Variants in XKR9 observed in about 807,000 individuals in gnomAD.
The protein encoded by XKR9 is XK-related protein 9.
A neutral mutation model predicts 32.0 loss-of-function variants in XKR9; 32 were observed. That is an observed-to-expected ratio of 1.00 (90% CI 0.76 to 1.34). XKR9 has a LOEUF of 1.34. Among genes scored for constraint, XKR9 ranks in the 40% most tolerant of loss-of-function variants. The pLI is 0.00. For missense variants in XKR9, 546 were observed against 429.7 expected (o/e 1.27, Z -2.39); for synonymous variants, 168 against 143.4 (o/e 1.17, Z -1.22).
At chr8:70,672,854 T>C (rs567627689) in intron 1 of XKR9, among the ~76,000 whole-genome samples, 3 of 152,346 alleles carry the variant, frequency 2.0e-5, no homozygotes, top group African/African-American at 7.2e-5. Context: ...TGGCCATTTG[T>C]ATGTCTTCTT....
the XKR9 span, among the ~76,000 whole-genome samples, chr8:70,864,372 A>T: frequency 6.6e-6 from 1 of 152,146 alleles, no homozygotes; most frequent in Admixed American, 6.6e-5. Context: ...TGCCCAGAAT[A>T]ATTGATTATC....
the XKR9 span, among the ~76,000 whole-genome samples, chr8:70,949,715 A>G: frequency 6.6e-6 from 1 of 151,996 alleles, no homozygotes; most frequent in South Asian, 2.1e-4. Context: ...TCAGAGAGGG[A>G]GAGAGAGACA....
At chr8:70,839,449 TA>T in the XKR9 span, among the ~76,000 whole-genome samples, 1 of 152,260 alleles carries the variant, frequency 6.6e-6, no homozygotes, top group Middle Eastern at 3.4e-3. Flanking sequence ...CGTGCTCAGA[TA>T]AACCAATACA....
chr8:70,893,363 A>T, the XKR9 span, among the ~76,000 whole-genome samples: 1 of 151,852 alleles, frequency 6.6e-6, no homozygotes, highest in African/African-American at 2.4e-5. Flanking sequence ...GGGTTCTCTT[A>T]CTACACAGTT....
chr8:70,852,438 T>G, the XKR9 span, among the ~76,000 whole-genome samples: 1 of 152,026 alleles, frequency 6.6e-6, no homozygotes, highest in African/African-American at 2.4e-5. Context: ...CATTACGGGA[T>G]TATAAATCAA....
At chr8:70,771,056 G>A (rs1220301959) in intron 2 of XKR9, among the ~76,000 whole-genome samples, 1 of 152,178 alleles carries the variant, frequency 6.6e-6, no homozygotes, top group Non-Finnish European at 1.5e-5. Flanking sequence ...GCACCTGAGG[G>A]AATCTCCTGT....
At chr8:70,911,958 G>C in the XKR9 span, among the ~76,000 whole-genome samples, 1 of 152,166 alleles carries the variant, frequency 6.6e-6, no homozygotes, top group African/African-American at 2.4e-5. Context: ...CTAAGCCAGG[G>C]GCCAGGAAGC....
the XKR9 span, among the ~76,000 whole-genome samples, chr8:70,890,059 T>G: frequency 3.3e-5 from 5 of 152,088 alleles, no homozygotes; most frequent in Non-Finnish European, 7.4e-5. Flanking sequence ...GCATTGAATT[T>G]TTTTCTGAAG....
At chr8:70,695,017 G>A (rs1348696931) in intron 3 of XKR9, among the ~76,000 whole-genome samples, 4 of 152,114 alleles carry the variant, frequency 2.6e-5, no homozygotes, top group Non-Finnish European at 5.9e-5. Context: ...AAAGAGCTGT[G>A]GGAGAAGCAT....
At chr8:70,759,564 G>A (rs931271090) in intron 2 of XKR9, among the ~76,000 whole-genome samples, 2 of 152,010 alleles carry the variant, frequency 1.3e-5, no homozygotes, top group South Asian at 2.1e-4. Flanking sequence ...TTGAAGGTAT[G>A]GTTATGACAT....
the XKR9 span, among the ~76,000 whole-genome samples, chr8:70,838,772 T>G: frequency 6.6e-6 from 1 of 152,010 alleles, no homozygotes; most frequent in Non-Finnish European, 1.5e-5. Flanking sequence ...AGTGTGGAAG[T>G]TTTTTCTACT....
chr8:70,714,320 C>T (rs1806017628), intron 4 of XKR9, among the ~76,000 whole-genome samples: 1 of 151,762 alleles, frequency 6.6e-6, no homozygotes, highest in Admixed American at 6.6e-5. Context: ...TTATTTAAAA[C>T]AAGAAAATAA....
At chr8:70,990,622 G>A in the XKR9 span, among the ~76,000 whole-genome samples, 15 of 151,988 alleles carry the variant, frequency 9.9e-5, no homozygotes, top group African/African-American at 3.6e-4. Flanking sequence ...ATGAAGCCAC[G>A]TTCCATTTTA....
the XKR9 span, among the ~76,000 whole-genome samples, chr8:71,016,319 T>C: frequency 3.3e-5 from 5 of 152,154 alleles, no homozygotes; most frequent in African/African-American, 1.2e-4. Flanking sequence ...GCAGTGTGTA[T>C]GTTTGGCCTA....
At chr8:70,826,166 T>C in the XKR9 span, among the ~76,000 whole-genome samples, 2 of 152,100 alleles carry the variant, frequency 1.3e-5, no homozygotes, top group Non-Finnish European at 2.9e-5. Context: ...AAAGCATTTG[T>C]ATTGCAAATT....
chr8:70,771,765 T>G (rs1807456925), intron 2 of XKR9, among the ~76,000 whole-genome samples: 1 of 152,184 alleles, frequency 6.6e-6, no homozygotes, highest in Non-Finnish European at 1.5e-5. Flanking sequence ...TAGCTTGACC[T>G]CTTGAGAACC....
the XKR9 span, among the ~76,000 whole-genome samples, chr8:70,977,407 A>G: frequency 1.4e-4 from 21 of 152,276 alleles, no homozygotes; most frequent in South Asian, 3.7e-3. Context: ...TTCCCTCTAC[A>G]CAATGCTTTA....
At chr8:70,887,939 G>A in the XKR9 span, among the ~76,000 whole-genome samples, 14 of 151,812 alleles carry the variant, frequency 9.2e-5, no homozygotes, top group South Asian at 2.1e-4. Context: ...TGATTTCTCC[G>A]GCCAGAACTT....
intron 3 of XKR9, among the ~76,000 whole-genome samples, chr8:70,705,135 C>G (rs1437788340): frequency 6.6e-6 from 1 of 152,114 alleles, no homozygotes; most frequent in Non-Finnish European, 1.5e-5. Context: ...TTTCAGCTTT[C>G]CAAAGCCCTT....
Sources: allele counts gnomAD v4.1 joint callset (sites outside exome capture counted in the v4.1 genomes callset), GRCh38; gene constraint gnomAD v4.1.1; transcripts MANE v1.5; gene names NCBI Gene and HGNC (gene_info 2026-07-23, HGNC 2026-07-21).